TRABD2A: variants seen among roughly 807,000 people sequenced by gnomAD.
TRABD2A encodes TraB domain containing 2A.
Under a neutral mutation model 45.6 loss-of-function variants are expected in TRABD2A, and 43 were observed. The ratio of observed to expected loss-of-function variants is 0.94; its 90% confidence interval spans 0.74 to 1.22. The LOEUF (loss-of-function observed/expected upper bound fraction) is 1.22, where lower values mean the gene tolerates loss of function less well. TRABD2A is among the 50% of genes most tolerant of loss of function. The pLI, the probability that TRABD2A is intolerant of heterozygous loss-of-function variation, is 0.00. For missense variants in TRABD2A, 642 were observed against 652.4 expected, an observed-to-expected ratio of 0.98 and a Z score of 0.17; for synonymous variants, 269 against 265.0, an observed-to-expected ratio of 1.02 and a Z score of -0.15.
In TRABD2A at chr2:84,838,315, G is replaced by A. The variant is rs114989197; in HGVS notation, c.991+834C>T. 2,009 of 711,008 alleles carry A rather than the reference G, an allele frequency of 2.8e-3. 31 individuals carry two copies. The African/African-American group carries it at 0.032, about 11-fold the overall frequency. The allele number at this position is 711,008 out of a possible 1,614,324, so 44.0% of individuals were successfully genotyped here. ...CACTGCTTCTATCAAAATTCATCCA[G>A]TTTTCTTAAATAAACACTTCTAGGA... On this transcript the variant is annotated intron_variant, in intron 4 of 6. Coordinates refer to ENST00000409520, the MANE Select transcript of TRABD2A (RefSeq NM_001277053.2).
At chr2:84,842,383 G>A (rs1275981593) in intron 2 of TRABD2A, among the ~76,000 whole-genome samples, 1 of 152,174 alleles carries the variant, frequency 6.6e-6, no homozygotes, top group African/African-American at 2.4e-5. Flanking sequence ...TCCCAATTAT[G>A]TAAAGGACTG....
chr2:84,863,314 G>A (rs1476674360), intron 2 of TRABD2A, among the ~76,000 whole-genome samples: 2 of 137,968 alleles, frequency 1.4e-5, no homozygotes, highest in East Asian at 2.1e-4. Flanking sequence ...GCGCAATCTC[G>A]GCTCACTGCA....
chr2:84,822,823 G>T (rs77572548), intron 6 of TRABD2A, among the ~76,000 whole-genome samples: 2,229 of 152,246 alleles, frequency 0.015, 23 homozygotes, highest in Middle Eastern at 0.044. Context: ...TCACATATCT[G>T]CTTCAAACCT....
intron 2 of TRABD2A, chr2:84,843,588 G>A (rs1254876576): frequency 6.6e-6 from 1 of 152,620 alleles, no homozygotes; most frequent in Non-Finnish European, 1.5e-5. Context: ...AGGCTGGGAA[G>A]TCCGAGATCA....
intron 5 of TRABD2A, among the ~76,000 whole-genome samples, chr2:84,825,722 G>A (rs1173511189): frequency 6.6e-6 from 1 of 152,174 alleles, no homozygotes; most frequent in Non-Finnish European, 1.5e-5. Flanking sequence ...GCACTAGTCT[G>A]TGGCCTGTTA....
At chr2:84,827,585 C>A (rs561739150) in intron 5 of TRABD2A, among the ~76,000 whole-genome samples, 2 of 152,188 alleles carry the variant, frequency 1.3e-5, no homozygotes, top group African/African-American at 4.8e-5. Context: ...GGACATCTGC[C>A]AGATCCCCAA....
intron 4 of TRABD2A, chr2:84,836,830 C>T (rs1325562518): frequency 4.6e-5 from 7 of 151,946 alleles, no homozygotes; most frequent in African/African-American, 1.7e-4. Context: ...TGTTCAGCCC[C>T]CGTAGTGAAT....
chr2:84,874,288 C>CG (rs974178481), intron 1 of TRABD2A, among the ~76,000 whole-genome samples: 2 of 152,210 alleles, frequency 1.3e-5, no homozygotes, highest in Admixed American at 1.3e-4. Flanking sequence ...CGCACATACA[C>CG]GTCTGGCCTC....
intron 5 of TRABD2A, among the ~76,000 whole-genome samples, chr2:84,829,363 AACACACACACACACACAC>A (rs146287038): frequency 6.2e-5 from 9 of 145,606 alleles, no homozygotes; most frequent in African/African-American, 1.0e-4. Flanking sequence ...AACAACCAGC[AACACACACACACACACAC>A]ACACACACAC....
intron 2 of TRABD2A, among the ~76,000 whole-genome samples, chr2:84,865,674 G>A (rs11676817): frequency 0.026 from 3,922 of 152,298 alleles, 84 homozygotes; most frequent in South Asian, 0.058. Flanking sequence ...CACGACGTCC[G>A]ATCACTTGGT....
At chr2:84,844,289 C>T (rs1462834024) in intron 2 of TRABD2A, among the ~76,000 whole-genome samples, 1 of 152,114 alleles carries the variant, frequency 6.6e-6, no homozygotes, top group Non-Finnish European at 1.5e-5. Context: ...TTTCCCATGC[C>T]GTTCTCGTGA....
chr2:84,874,908 A>G (rs1682981071), intron 1 of TRABD2A: 1 of 171,486 alleles, frequency 5.8e-6, no homozygotes, highest in Non-Finnish European at 1.3e-5. Flanking sequence ...AACACAGTGG[A>G]AATATCACTT....
intron 2 of TRABD2A, among the ~76,000 whole-genome samples, chr2:84,851,360 A>G (rs1163498937): frequency 6.6e-6 from 1 of 152,234 alleles, no homozygotes; most frequent in Admixed American, 6.5e-5. Flanking sequence ...AAAATGAGCC[A>G]CCAGTGGGTG....
intron 1 of TRABD2A, among the ~76,000 whole-genome samples, chr2:84,872,117 C>T (rs1682886624): frequency 6.6e-6 from 1 of 152,164 alleles, no homozygotes; most frequent in South Asian, 2.1e-4. Context: ...CAAAGAAGTG[C>T]AGTGCTCAAG....
intron 2 of TRABD2A, chr2:84,843,816 A>G (rs1017442516): frequency 6.6e-6 from 1 of 152,212 alleles, no homozygotes. Flanking sequence ...TTTTAATACC[A>G]TCACACTAGC....
At chr2:84,873,187 G>A (rs1038859907) in intron 1 of TRABD2A, among the ~76,000 whole-genome samples, 4 of 151,582 alleles carry the variant, frequency 2.6e-5, no homozygotes, top group East Asian at 1.9e-4. Context: ...TTGGGAGGCC[G>A]AGGAGGGTGG....
chr2:84,842,064 A>G, intron 2 of TRABD2A, 57 bp from the exon 3 acceptor site: 2 of 1,425,746 alleles, frequency 1.4e-6, no homozygotes, highest in Non-Finnish European at 1.8e-6. Flanking sequence ...CTGCCATCTT[A>G]TTTCTTTTGT....
rs748666116 is a variant in TRABD2A, at chr2:84,870,857, T to C, written c.109-72A>G. The C allele has an allele frequency of 4.7e-4, 641 of 1,350,856 alleles. 3 individuals carry two copies. The highest frequency in any genetic ancestry group is 5.8e-4 in the Non-Finnish European group (584 of 1,005,570). The allele number at this position is 1,350,856 out of a possible 1,614,324, so 83.7% of individuals were successfully genotyped here. A position where few individuals can be genotyped will look rare whatever the true frequency, so the allele number is the denominator to read the frequency against. Reference sequence around the variant, plus strand: ...ATGGTCAGGAACCTGTGAGAGGAAATGAATCAGTCACATTTCAAGAGAAAA... The same window carrying C: ...ATGGTCAGGAACCTGTGAGAGGAAACGAATCAGTCACATTTCAAGAGAAAA... On this transcript the variant is annotated intron_variant, in intron 1 of 6. Transcript: ENST00000409520.
chr2:84,858,707 G>C (rs1682396881), intron 2 of TRABD2A, among the ~76,000 whole-genome samples: 1 of 152,178 alleles, frequency 6.6e-6, no homozygotes, highest in African/African-American at 2.4e-5. Context: ...GCTCCCTGAA[G>C]TTCAGGACTG....
Sources: gnomAD v4.1 joint callset for allele counts (sites outside exome capture counted in the v4.1 genomes callset) on GRCh38, gnomAD v4.1.1 for gene constraint, MANE v1.5 for transcripts, NCBI Gene and HGNC (gene_info 2026-07-23, HGNC 2026-07-21) for gene names.